MTUS2: variants seen among roughly 807,000 people sequenced by gnomAD.
MTUS2 encodes the protein microtubule-associated tumor suppressor candidate 2.
Under a neutral mutation model 114.1 loss-of-function variants are expected in MTUS2, and 40 were observed. The ratio of observed to expected loss-of-function variants is 0.35; its 90% CI spans 0.27 to 0.46. The LOEUF is 0.46. MTUS2 is among the 20% of genes least tolerant of loss of function. The pLI is 1.00. For missense variants in MTUS2, 1,679 were observed against 1,705.4 expected (o/e 0.98, Z 0.27); for synonymous variants, 688 against 672.0 (o/e 1.02, Z -0.37).
At chr13:29,049,261 T>G (rs1314754952) in intron 4 of MTUS2, among the ~76,000 whole-genome samples, 1 of 152,226 alleles carries the variant, frequency 6.6e-6, no homozygotes, top group Non-Finnish European at 1.5e-5. Flanking sequence ...GCTTGCTATT[T>G]TTATGAAGAG....
chr13:29,327,295 C>T (rs972433105), intron 7 of MTUS2, among the ~76,000 whole-genome samples: 31 of 152,032 alleles, frequency 2.0e-4, no homozygotes, highest in African/African-American at 7.2e-4. Context: ...GTAAGTTTTG[C>T]CATGTGTACG....
At position 29,372,298 on chromosome 13, in the gene MTUS2, T is replaced by C. The variant is rs563946957; in HGVS notation, c.3117+12825T>C. ...ACCAAAATATCAATGCAAAATAGCATCTTGACCTCATGCTGAGATGTCTGA... is the reference window on the plus strand; with the variant it reads ...ACCAAAATATCAATGCAAAATAGCACCTTGACCTCATGCTGAGATGTCTGA... On this transcript the variant is annotated intron_variant, in intron 8 of 15. Coordinates refer to ENST00000612955, the MANE Select transcript of MTUS2 (RefSeq NM_001033602.4). Among the ~76,000 whole-genome samples the C allele has an allele frequency of 6.6e-5, 10 of 152,010 alleles. No individual in the cohort carries two copies. In the South Asian group the frequency reaches 2.1e-3, roughly 32 times the overall value.
intron 5 of MTUS2, among the ~76,000 whole-genome samples, chr13:29,109,243 T>G (rs947778213): frequency 6.6e-6 from 1 of 152,242 alleles, no homozygotes; most frequent in Admixed American, 6.5e-5. Flanking sequence ...GTGAAATGAT[T>G]ACTACAATCA....
At chr13:28,994,444 A>G (rs1884999654) in intron 2 of MTUS2, among the ~76,000 whole-genome samples, 1 of 152,180 alleles carries the variant, frequency 6.6e-6, no homozygotes, top group African/African-American at 2.4e-5. Flanking sequence ...GTCAAATGGT[A>G]TTTCTAGTTC....
chr13:29,444,444 C>CA (rs113251098), intron 9 of MTUS2, among the ~76,000 whole-genome samples: 2 of 151,712 alleles, frequency 1.3e-5, no homozygotes, highest in Non-Finnish European at 2.9e-5. Context: ...AACAAACAAA[C>CA]AAAAAAAAGC....
chr13:28,933,297 C>T (rs1277711035), intron 2 of MTUS2, among the ~76,000 whole-genome samples: 1 of 152,114 alleles, frequency 6.6e-6, no homozygotes, highest in Non-Finnish European at 1.5e-5. Context: ...AATCTTCAGT[C>T]TACAGTCTGC....
chr13:29,031,237 G>GGGGTGTGTGTGTGTGTGTGT (rs144071821), intron 3 of MTUS2, among the ~76,000 whole-genome samples: 3 of 122,886 alleles, frequency 2.4e-5, no homozygotes, highest in Non-Finnish European at 5.1e-5. Context: ...AGAACTAATA[G>GGGGTGTGTGTGTGTGTGTGT]GTGTGTGTGT....
At chr13:29,104,834 G>A (rs1360689250) in intron 5 of MTUS2, among the ~76,000 whole-genome samples, 1 of 152,062 alleles carries the variant, frequency 6.6e-6, no homozygotes, top group Non-Finnish European at 1.5e-5. Flanking sequence ...TTAACATATC[G>A]GTCTGACCCA....
At chr13:29,375,104 G>C (rs1040055898) in intron 8 of MTUS2, among the ~76,000 whole-genome samples, 1 of 152,094 alleles carries the variant, frequency 6.6e-6, no homozygotes, top group African/African-American at 2.4e-5. Context: ...TTAGATTGGT[G>C]CAAAAGTAAT....
Position 29,030,882 on chromosome 13 carries a change from T to C in MTUS2, c.2206-3003T>C, listed in dbSNP as rs146443917. ...CACTCTTCTGAGAGAGGAACTCTTT[T>C]CCCAATTGGCAGGAACAGCACAGGC... On this transcript the variant is annotated intron_variant, in intron 3 of 15. Coordinates refer to ENST00000612955, the MANE Select transcript of MTUS2 (RefSeq NM_001033602.4). Among the ~76,000 whole-genome samples, 11 of 152,262 alleles carry C rather than the reference T, an allele frequency of 7.2e-5. 1 individual carries two copies. The East Asian group carries it at 1.7e-3, about 24-fold the overall frequency.
chr13:29,052,349 C>T (rs1259762661), intron 4 of MTUS2, among the ~76,000 whole-genome samples: 1 of 150,360 alleles, frequency 6.7e-6, no homozygotes, highest in African/African-American at 2.5e-5. Context: ...GGCATGGTGG[C>T]AGGCACCTGT....
chr13:29,495,355 CAAA>C (rs561721512), intron 12 of MTUS2, among the ~76,000 whole-genome samples: 245 of 29,780 alleles, frequency 8.2e-3, no homozygotes, highest in Middle Eastern at 0.045. Context: ...GAGTCTTTGT[CAAA>C]AAAAAAAAAA....
intron 8 of MTUS2, among the ~76,000 whole-genome samples, chr13:29,401,011 G>A (rs1874296509): frequency 1.3e-5 from 2 of 151,892 alleles, no homozygotes; most frequent in Admixed American, 6.6e-5. Context: ...TTTTTGAGCT[G>A]GAGTCTTGCT....
intron 6 of MTUS2, among the ~76,000 whole-genome samples, chr13:29,317,078 A>G (rs993706634): frequency 5.3e-5 from 8 of 152,184 alleles, no homozygotes; most frequent in Non-Finnish European, 8.8e-5. Context: ...TAATCTTCAG[A>G]ATTAATTATC....
intron 5 of MTUS2, among the ~76,000 whole-genome samples, chr13:29,238,963 A>G (rs1896635402): frequency 6.6e-6 from 1 of 152,140 alleles, no homozygotes; most frequent in Non-Finnish European, 1.5e-5. Flanking sequence ...GGTGGGGTAA[A>G]TGGGGAGATC....
intron 6 of MTUS2, 43 bp from the exon 7 acceptor site, chr13:29,324,570 G>C: frequency 2.1e-6 from 3 of 1,425,426 alleles, no homozygotes; most frequent in Non-Finnish European, 2.9e-6. Context: ...TCAATTTTAA[G>C]TAGCTTACTT....
At chr13:29,350,115 C>T (rs1869097129) in intron 7 of MTUS2, among the ~76,000 whole-genome samples, 1 of 152,014 alleles carries the variant, frequency 6.6e-6, no homozygotes, top group South Asian at 2.1e-4. Flanking sequence ...ATCTTCACTA[C>T]TTTTCCTTTC....
chr13:29,459,999 G>A (rs113420683), intron 9 of MTUS2, among the ~76,000 whole-genome samples: 2 of 152,114 alleles, frequency 1.3e-5, no homozygotes, highest in East Asian at 1.9e-4. Flanking sequence ...GGGCCATTCC[G>A]CAGATGCTTG....
chr13:28,929,965 C>T (rs1157285004), intron 2 of MTUS2, among the ~76,000 whole-genome samples: 2 of 152,078 alleles, frequency 1.3e-5, no homozygotes, highest in East Asian at 3.9e-4. Context: ...GCTGAGGCTG[C>T]AAGGAGGGAA....
Sources: allele counts gnomAD v4.1 joint callset (sites outside exome capture counted in the v4.1 genomes callset), GRCh38; gene constraint gnomAD v4.1.1; transcripts MANE v1.5; gene names NCBI Gene and HGNC (gene_info 2026-07-23, HGNC 2026-07-21).